SHC3: variants seen among roughly 807,000 people sequenced by gnomAD.
SHC3 encodes the protein SHC-transforming protein 3.
SHC3 carries 15 observed loss-of-function variants against 60.4 expected under a neutral mutation model. The ratio of observed to expected loss-of-function variants is 0.25; its 90% confidence interval spans 0.17 to 0.38. SHC3 has a LOEUF of 0.38. Among genes scored for constraint, SHC3 ranks in the 10% least tolerant of loss-of-function variants. The probability of loss-of-function intolerance (pLI) is 1.00; values close to 1 mark genes in which losing one functional copy is unlikely to be tolerated. For synonymous variants in SHC3, 294 were observed against 325.9 expected, an observed-to-expected ratio of 0.90 and a Z score of 1.05; for missense variants, 677 against 786.1, an observed-to-expected ratio of 0.86 and a Z score of 1.66.
chr9:89,127,244 C>T (rs556856950), intron 1 of SHC3, among the ~76,000 whole-genome samples: 1 of 152,290 alleles, frequency 6.6e-6, no homozygotes, highest in Non-Finnish European at 1.5e-5. Flanking sequence ...TGATGAACAA[C>T]TTCTGGCTTC....
rs1357353989 is a variant in SHC3, at chr9:89,052,310, T to C, written c.836-147A>G. The C allele has an allele frequency of 1.2e-5, 11 of 948,914 alleles. No individual in the cohort carries two copies. In the Admixed American group the frequency reaches 1.7e-4, roughly 15 times the overall value. 58.8% of individuals were successfully genotyped at this position (948,914 alleles called of 1,614,324 possible). On this transcript the variant is annotated intron_variant, in intron 6 of 11. Transcript: ENST00000375835. ...CCTAGCAGATCCAACCACAGCTTTA[T>C]CTCCAGGTAGGGAATCCTACAGCTA... is the stretch of plus-strand genomic sequence containing the variant.
rs770824772 is a variant in SHC3 at position 89,112,578 on chromosome 9, T to G, written c.523A>C (p.Ser175Arg). 4 of 1,600,934 alleles carry G rather than the reference T, an allele frequency of 2.5e-6. No homozygotes were observed. Among genetic ancestry groups the G allele is most frequent in the Non-Finnish European group, 2.6e-6 (3 of 1,174,832 alleles). Residue 175 changes from serine (S) to arginine (R), a missense_variant, in exon 2 of 12, where the codon AGT becomes CGT. Transcript: ENST00000375835. Reference protein sequence around the residue: ...VLRSMRSLDFSTRTQITREAI... With the variant: ...VLRSMRSLDFRTRTQITREAI... ...TACCTGGTAATTTGTGTTCTTGTAC[T>G]GAAGTCAAGAGACCTCATTGAGCGC...
chr9:89,124,675 C>A (rs145129501), intron 1 of SHC3, among the ~76,000 whole-genome samples: 1 of 151,712 alleles, frequency 6.6e-6, no homozygotes, highest in Admixed American at 6.6e-5. Context: ...CATCACACAC[C>A]GGGGCCTGTC....
Position 89,042,130 on chromosome 9 carries a change from C to G in SHC3, c.1256G>C (p.Gly419Ala). ...AGTGTTGACGTAGGTGGGTGCTTCT[C>G]CCGTGGGGGCCACGTGCAGTTTCCC... ...PEGKLHVAPT[G>A]EAPTYVNTQQ... The change falls in exon 10 of 12, where the codon GGA (glycine) becomes GCA (alanine). Residue 419 changes from glycine to alanine, a missense_variant. Coordinates refer to ENST00000375835, the MANE Select transcript of SHC3 (RefSeq NM_016848.6). 6.4e-7 allele frequency: 1 copy of G among 1,568,826 alleles called. No homozygotes were observed. The highest frequency in any genetic ancestry group is 1.2e-5 in the South Asian group (1 of 83,480).
At chr9:89,035,125 C>A (rs1824550323) in intron 11 of SHC3, among the ~76,000 whole-genome samples, 1 of 152,204 alleles carries the variant, frequency 6.6e-6, no homozygotes, top group Non-Finnish European at 1.5e-5. Context: ...GAGCTCAGGG[C>A]CTTTGCAACC....
chr9:89,065,857 A>G (rs1165690811), intron 5 of SHC3, among the ~76,000 whole-genome samples: 1 of 152,116 alleles, frequency 6.6e-6, no homozygotes, highest in Admixed American at 6.5e-5. Context: ...CTGAGGCTGC[A>G]GTGTCTCAGT....
At chr9:89,170,903 T>A (rs1826860009) in intron 1 of SHC3, among the ~76,000 whole-genome samples, 1 of 152,176 alleles carries the variant, frequency 6.6e-6, no homozygotes, top group Admixed American at 6.5e-5. Context: ...CCAGTTTATA[T>A]CAGGGACTTG....
At chr9:89,051,034 C>A (rs542972992) in intron 7 of SHC3, among the ~76,000 whole-genome samples, 1 of 151,768 alleles carries the variant, frequency 6.6e-6, no homozygotes, top group African/African-American at 2.4e-5. Context: ...ATGTCTTAAA[C>A]GGAATTTTCC....
chr9:89,028,968 A>AAC (rs1824423875), intron 11 of SHC3, among the ~76,000 whole-genome samples: 1 of 149,126 alleles, frequency 6.7e-6, no homozygotes, highest in Admixed American at 6.7e-5. Context: ...TCTGAGGCAG[A>AAC]ATATATATAT....
intron 2 of SHC3, among the ~76,000 whole-genome samples, chr9:89,108,554 CACACACAT>C (rs1223828895): frequency 1.3e-5 from 2 of 151,966 alleles, no homozygotes; most frequent in African/African-American, 2.4e-5. Flanking sequence ...CACACACACA[CACACACAT>C]ACACACATAC....
intron 1 of SHC3, among the ~76,000 whole-genome samples, chr9:89,122,402 T>C (rs539955134): frequency 6.6e-6 from 1 of 152,346 alleles, no homozygotes; most frequent in African/African-American, 2.4e-5. Flanking sequence ...TGCCATATCA[T>C]GTGGCCAATC....
chr9:89,018,491 G>A (rs796676655), intron 11 of SHC3, among the ~76,000 whole-genome samples: 1 of 152,064 alleles, frequency 6.6e-6, no homozygotes, highest in Non-Finnish European at 1.5e-5. Context: ...GGGCCTGTCA[G>A]GGGGTGGGGG....
intron 2 of SHC3, among the ~76,000 whole-genome samples, chr9:89,078,396 G>T (rs1017516772): frequency 6.6e-6 from 1 of 152,138 alleles, no homozygotes; most frequent in Admixed American, 6.5e-5. Flanking sequence ...CAGTTTCTGC[G>T]GTTAGTGAAT....
chr9:89,150,469 G>A lies in SHC3; in HGVS notation c.474+27518C>T, dbSNP rs777377533. Among the ~76,000 whole-genome samples the A allele has an allele frequency of 7.9e-5, 12 of 152,120 alleles. No individual in the cohort carries two copies. In the East Asian group the frequency reaches 1.2e-3, roughly 15 times the overall value. ...TAAATGGAATAGTACAATATGTGCCGTTTTGTGTCTGGCTCCTTTGCTTAG... is the reference window on the plus strand; with the variant it reads ...TAAATGGAATAGTACAATATGTGCCATTTTGTGTCTGGCTCCTTTGCTTAG... On this transcript the variant is annotated intron_variant, in intron 1 of 11. Coordinates refer to ENST00000375835, the MANE Select transcript of SHC3 (RefSeq NM_016848.6).
In SHC3 at chr9:89,013,335, T is replaced by C. The variant is rs2118630727; in HGVS notation, c.*112A>G. 3.1e-6 allele frequency: 4 copies of C among 1,305,440 alleles called. No individual in the cohort carries two copies. The highest frequency in any genetic ancestry group is 5.9e-4 in the Middle Eastern group (2 of 3,392). The allele number at this position is 1,305,440 out of a possible 1,614,324, so 80.9% of individuals were successfully genotyped here. A position where few individuals can be genotyped will look rare whatever the true frequency, so the allele number is the denominator to read the frequency against. ...AAAGGAAGCCTTCCTTTTGAAGCTT[T>C]TGAAGAAGGCTCTGAGCCACAGGCA... On this transcript the variant is annotated 3_prime_UTR_variant, in exon 12 of 12. Coordinates refer to ENST00000375835, the MANE Select transcript of SHC3 (RefSeq NM_016848.6).
chr9:89,039,530 A>G (rs1274428959), intron 10 of SHC3, among the ~76,000 whole-genome samples: 1 of 152,054 alleles, frequency 6.6e-6, no homozygotes, highest in Non-Finnish European at 1.5e-5. Flanking sequence ...CTTTGCTATC[A>G]TCTACATCAT....
intron 6 of SHC3, among the ~76,000 whole-genome samples, chr9:89,064,556 T>C (rs998246202): frequency 6.6e-6 from 1 of 152,160 alleles, no homozygotes; most frequent in Non-Finnish European, 1.5e-5. Context: ...CTTGGAATCA[T>C]CTGAAGAGCT....
chr9:89,113,706 C>T (rs1328909076), intron 1 of SHC3, among the ~76,000 whole-genome samples: 1 of 152,136 alleles, frequency 6.6e-6, no homozygotes, highest in Non-Finnish European at 1.5e-5. Flanking sequence ...GGGGGATTAC[C>T]ATACCTAACA....
At chr9:89,028,852 A>G (rs1401942285) in intron 11 of SHC3, among the ~76,000 whole-genome samples, 3 of 147,510 alleles carry the variant, frequency 2.0e-5, no homozygotes, top group South Asian at 2.1e-4. Context: ...GTGTGTAAAT[A>G]TATCTATATA....
Sources: gnomAD v4.1 joint callset for allele counts (sites outside exome capture counted in the v4.1 genomes callset) on GRCh38, gnomAD v4.1.1 for gene constraint, MANE v1.5 for transcripts, NCBI Gene and HGNC (gene_info 2026-07-23, HGNC 2026-07-21) for gene names.